ATG5: variants seen among roughly 807,000 people sequenced by gnomAD.
The protein encoded by ATG5 is autophagy related 5, also known as autophagy protein 5.
ATG5 carries 14 observed loss-of-function variants against 36.5 expected under a neutral mutation model. The observed-to-expected ratio is 0.38, with a 90% CI of 0.25 to 0.60. The LOEUF (loss-of-function observed/expected upper bound fraction) is 0.60. ATG5 is among the 20% of genes least tolerant of loss of function. The probability of loss-of-function intolerance (pLI) is 0.60; values close to 1 mark genes in which losing one functional copy is unlikely to be tolerated. For missense variants in ATG5, 195 were observed against 326.7 expected (o/e 0.60, Z 3.11); for synonymous variants, 95 against 101.5 (o/e 0.94, Z 0.38).
chr6:106,263,315 T>C (rs1779099856), intron 5 of ATG5, among the ~76,000 whole-genome samples: 1 of 152,156 alleles, frequency 6.6e-6, no homozygotes, highest in Non-Finnish European at 1.5e-5. Flanking sequence ...GGGCAGGGCA[T>C]CTCTGAAGGA....
At chr6:106,282,515 TAAG>T (rs1306137504) in intron 4 of ATG5, among the ~76,000 whole-genome samples, 1 of 152,202 alleles carries the variant, frequency 6.6e-6, no homozygotes, top group African/African-American at 2.4e-5. Context: ...ATAGCAAAGT[TAAG>T]AACACATACG....
intron 6 of ATG5, among the ~76,000 whole-genome samples, chr6:106,218,655 C>G (rs545855091): frequency 2.6e-5 from 4 of 151,846 alleles, no homozygotes; most frequent in Non-Finnish European, 5.9e-5. Context: ...ATGAAGCATC[C>G]GCAGCTAAAA....
intron 5 of ATG5, among the ~76,000 whole-genome samples, chr6:106,257,797 T>C (rs1778856445): frequency 6.6e-6 from 1 of 152,224 alleles, no homozygotes; most frequent in Non-Finnish European, 1.5e-5. Flanking sequence ...TATAAAGAAG[T>C]TCCCAATTTG....
intron 3 of ATG5, among the ~76,000 whole-genome samples, chr6:106,294,104 T>C (rs951187669): frequency 6.6e-6 from 1 of 152,214 alleles, no homozygotes; most frequent in Non-Finnish European, 1.5e-5. Context: ...TTTTGGATTT[T>C]GTAGTCTTAG....
intron 5 of ATG5, among the ~76,000 whole-genome samples, chr6:106,264,910 A>G (rs1442954616): frequency 1.9e-4 from 29 of 152,002 alleles, no homozygotes; most frequent in African/African-American, 6.5e-4. Flanking sequence ...ATAAAGACCA[A>G]CACTATGAAA....
At chr6:106,210,466 G>A (rs1018397093) in intron 6 of ATG5, among the ~76,000 whole-genome samples, 1 of 152,022 alleles carries the variant, frequency 6.6e-6, no homozygotes, top group African/African-American at 2.4e-5. Flanking sequence ...ACTAATAATG[G>A]CAGTTATAGT....
rs568980944 is a variant in ATG5, at chr6:106,321,461, C to G, written c.-59+4065G>C. 1.7e-3 allele frequency among the ~76,000 whole-genome samples: 254 copies of G among 152,152 alleles called. 2 individuals carry two copies. The highest frequency in any genetic ancestry group is 5.9e-3 in the African/African-American group (243 of 41,488). On this transcript the variant is annotated intron_variant, in intron 1 of 7. Coordinates refer to ENST00000369076, the MANE Select transcript of ATG5 (RefSeq NM_004849.4). ...GCAAGCTCCGTCTCCCGGGTTCACGCCATTCTCCTGCCTCAGCCTCCCGAG... is the reference window on the plus strand; with the variant it reads ...GCAAGCTCCGTCTCCCGGGTTCACGGCATTCTCCTGCCTCAGCCTCCCGAG...
chr6:106,211,162 G>A (rs991380563), intron 6 of ATG5, among the ~76,000 whole-genome samples: 8 of 152,268 alleles, frequency 5.3e-5, no homozygotes, highest in Non-Finnish European at 1.0e-4. Flanking sequence ...CCATAAAGAG[G>A]AGGAAGAATG....
chr6:106,235,003 G>T (rs73775396), intron 6 of ATG5, among the ~76,000 whole-genome samples: 1 of 151,480 alleles, frequency 6.6e-6, no homozygotes, highest in East Asian at 1.9e-4. Context: ...TTTAGCGGAA[G>T]AATGTTGTTA....
intron 6 of ATG5, among the ~76,000 whole-genome samples, chr6:106,244,191 T>A (rs557532679): frequency 1.3e-5 from 2 of 152,292 alleles, no homozygotes; most frequent in Admixed American, 6.5e-5. Flanking sequence ...CTTGTTTTTT[T>A]AAAACTAAAA....
In ATG5 at chr6:106,186,759, G is replaced by A. The variant is rs1775787074; in HGVS notation, c.692-83C>T. 24 of 1,466,996 alleles carry A rather than the reference G, an allele frequency of 1.6e-5. 1 individual carries two copies. The South Asian group carries it at 2.7e-4, about 17-fold the overall frequency. 90.9% of individuals were successfully genotyped at this position (1,466,996 alleles called of 1,614,324 possible). A position where few individuals can be genotyped will look rare whatever the true frequency, so the allele number is the denominator to read the frequency against. ...ATCTGGTGCCTTTTGAGAATCCTTA[G>A]TGCATTAAATGGATTTTAAACATGT... On this transcript the variant is annotated intron_variant, in intron 7 of 7. Coordinates refer to ENST00000369076, the MANE Select transcript of ATG5 (RefSeq NM_004849.4).
intron 6 of ATG5, among the ~76,000 whole-genome samples, chr6:106,247,861 CTGAA>C (rs1412947398): frequency 6.6e-6 from 1 of 152,180 alleles, no homozygotes; most frequent in African/African-American, 2.4e-5. Context: ...TTTCACCACT[CTGAA>C]TGACCGTAAA....
chr6:106,226,264 A>T lies in ATG5; in HGVS notation c.573+21886T>A, dbSNP rs528475727. 1.4e-4 allele frequency among the ~76,000 whole-genome samples: 21 copies of T among 152,360 alleles called. No homozygotes were observed. In the South Asian group the frequency reaches 4.3e-3, roughly 32 times the overall value. On this transcript the variant is annotated intron_variant, in intron 6 of 7. Transcript: ENST00000369076. The stretch of plus-strand genomic sequence containing the variant: ...GTGATAAAAAATAAAAACCTGAAAG[A>T]ATTAGTTCAGGAAAGAAACTAAACA...
chr6:106,232,592 C>G (rs1051860391), intron 6 of ATG5, among the ~76,000 whole-genome samples: 6 of 152,150 alleles, frequency 3.9e-5, no homozygotes, highest in Middle Eastern at 6.8e-3. Flanking sequence ...AAGGCAGTAC[C>G]CCCTTAGACC....
At chr6:106,218,797 A>G (rs1165369697) in intron 6 of ATG5, among the ~76,000 whole-genome samples, 4 of 152,218 alleles carry the variant, frequency 2.6e-5, no homozygotes, top group African/African-American at 4.8e-5. Context: ...GTAACAGATA[A>G]TTACCTTTGG....
intron 3 of ATG5, among the ~76,000 whole-genome samples, chr6:106,299,631 T>C (rs1766192): frequency 0.085 from 13,002 of 152,336 alleles, 583 homozygotes; most frequent in South Asian, 0.13. Flanking sequence ...TATTTTAATA[T>C]TTCTTTGCTT....
rs78542605 is a variant in ATG5, at chr6:106,227,636, A to C, written c.573+20514T>G. 8.3e-4 allele frequency among the ~76,000 whole-genome samples: 126 copies of C among 152,352 alleles called. 2 individuals are homozygous for C. In the East Asian group the frequency reaches 0.021, roughly 25 times the overall value. On this transcript the variant is annotated intron_variant, in intron 6 of 7. Transcript: ENST00000369076. ...ACTACATGCAGAAAAACTGCACTTC[A>C]AGAAATGATCAGTACCTTGAAGCTC...
At chr6:106,315,692 A>T (rs1204117341) in intron 2 of ATG5, among the ~76,000 whole-genome samples, 1 of 152,194 alleles carries the variant, frequency 6.6e-6, no homozygotes. Flanking sequence ...TCTCCTAACT[A>T]CAAAAGAATA....
At chr6:106,194,528 CTTTTCT>C (rs147845413) in intron 7 of ATG5, among the ~76,000 whole-genome samples, 12,942 of 151,096 alleles carry the variant, frequency 0.086, 562 homozygotes, top group South Asian at 0.13. Flanking sequence ...ACCATTTTTT[CTTTTCT>C]TTTTCTTTTT....
Sources: allele counts gnomAD v4.1 joint callset (sites outside exome capture counted in the v4.1 genomes callset), GRCh38; gene constraint gnomAD v4.1.1; transcripts MANE v1.5; gene names NCBI Gene and HGNC (gene_info 2026-07-23, HGNC 2026-07-21).